DYNC2H1: variants seen among roughly 807,000 people sequenced by gnomAD.
DYNC2H1 encodes the protein cytoplasmic dynein 2 heavy chain 1.
DYNC2H1 carries 410 observed loss-of-function variants against 570.0 expected under a neutral mutation model. That is an observed-to-expected ratio of 0.72 (90% CI 0.66 to 0.78). The LOEUF (loss-of-function observed/expected upper bound fraction) is 0.78, where lower values mean the gene tolerates loss of function less well. DYNC2H1 is among the 30% of genes least tolerant of loss of function. DYNC2H1 has a pLI of 0.00. For synonymous variants in DYNC2H1, 1,688 were observed against 1,677.6 expected, an observed-to-expected ratio of 1.01 and a Z score of -0.15; for missense variants, 4,865 against 5,046.4, an observed-to-expected ratio of 0.96 and a Z score of 1.09.
At chr11:103,357,907 G>A (rs906482882) in intron 82 of DYNC2H1, among the ~76,000 whole-genome samples, 18 of 152,122 alleles carry the variant, frequency 1.2e-4, no homozygotes, top group Non-Finnish European at 2.6e-4. Context: ...CTATCATTGC[G>A]CTATTGCACT....
intron 82 of DYNC2H1, among the ~76,000 whole-genome samples, chr11:103,356,258 A>G (rs1031164157): frequency 6.6e-6 from 1 of 152,156 alleles, no homozygotes; most frequent in African/African-American, 2.4e-5. Flanking sequence ...ATAAAAACAG[A>G]CAGTTCATTG....
At chr11:103,420,319 A>G (rs1943437799) in intron 84 of DYNC2H1, among the ~76,000 whole-genome samples, 1 of 152,276 alleles carries the variant, frequency 6.6e-6, no homozygotes, top group Admixed American at 6.5e-5. Context: ...TAACAAGAAG[A>G]TCAACCCCAA....
intron 63 of DYNC2H1, 146 bp downstream of exon 63, chr11:103,236,685 A>G: frequency 2.1e-6 from 1 of 472,468 alleles, no homozygotes. Context: ...CCCATCAATG[A>G]TTCAGTTAGT....
chr11:103,423,446 A>T (rs1436322568), intron 84 of DYNC2H1, among the ~76,000 whole-genome samples: 1 of 150,656 alleles, frequency 6.6e-6, no homozygotes, highest in Non-Finnish European at 1.5e-5. Flanking sequence ...AAACCCTGCA[A>T]CTGTGTCTCC....
At chr11:103,368,687 T>TG (rs1242824527) in intron 83 of DYNC2H1, among the ~76,000 whole-genome samples, 1 of 152,208 alleles carries the variant, frequency 6.6e-6, no homozygotes, top group Non-Finnish European at 1.5e-5. Flanking sequence ...CTGAAGTTCT[T>TG]CCTGCATATT....
chr11:103,123,030 C>A, intron 11 of DYNC2H1, 30 bp downstream of exon 11: 2 of 1,302,262 alleles, frequency 1.5e-6, no homozygotes, highest in South Asian at 6.1e-5. Flanking sequence ...ACTGTAAAAT[C>A]CAAAACCATA....
At chr11:103,284,034 A>C (rs1484274387) in intron 73 of DYNC2H1, among the ~76,000 whole-genome samples, 7 of 152,114 alleles carry the variant, frequency 4.6e-5, no homozygotes, top group Non-Finnish European at 8.8e-5. Context: ...GAACCCTGCA[A>C]AGTTGGTTTA....
intron 31 of DYNC2H1, 52 bp from the exon 32 acceptor site, chr11:103,168,703 A>T (rs1861436998): frequency 6.4e-7 from 1 of 1,556,184 alleles, no homozygotes; most frequent in Admixed American, 1.7e-5. Flanking sequence ...TAAATTATAT[A>T]AATCACAGGC....
intron 17 of DYNC2H1, among the ~76,000 whole-genome samples, chr11:103,138,795 T>C (rs1375300236): frequency 6.6e-6 from 1 of 152,088 alleles, no homozygotes; most frequent in South Asian, 2.1e-4. Context: ...ATGGTACCAG[T>C]TCCTCCTTGT....
intron 17 of DYNC2H1, among the ~76,000 whole-genome samples, chr11:103,137,719 T>G (rs1859653766): frequency 6.6e-6 from 1 of 152,136 alleles, no homozygotes; most frequent in Admixed American, 6.6e-5. Context: ...GGCTCTTTTT[T>G]GGTTCCATAT....
Position 103,205,483 on chromosome 11 carries a change from T to C in DYNC2H1, c.8454+519T>C, listed in dbSNP as rs1195575996. On this transcript the variant is annotated intron_variant, in intron 52 of 88. Coordinates refer to ENST00000375735, the MANE Select transcript of DYNC2H1 (RefSeq NM_001377.3). The surrounding 1 kb of genome is among the most constrained non-coding windows in gnomAD (Gnocchi z 4.5). The stretch of plus-strand genomic sequence containing the variant: ...TCTTTATTTTTCTATAAGAGAAGTA[T>C]AGTTTAATGCCTGCCATGATTCAGA... Among the ~76,000 whole-genome samples the C allele has an allele frequency of 6.6e-6, 1 of 152,192 alleles. No homozygotes were observed. Among genetic ancestry groups the C allele is most frequent in the Non-Finnish European group, 1.5e-5 (1 of 68,042 alleles).
chr11:103,443,384 G>T (rs1425066889), intron 85 of DYNC2H1, among the ~76,000 whole-genome samples: 1 of 151,832 alleles, frequency 6.6e-6, no homozygotes, highest in Non-Finnish European at 1.5e-5. Context: ...TAATTTATAT[G>T]TTATCACACT....
chr11:103,405,187 G>T (rs1771335592), intron 84 of DYNC2H1: 1 of 151,646 alleles, frequency 6.6e-6, no homozygotes, highest in Non-Finnish European at 1.5e-5. Context: ...CCCCTAGCAG[G>T]GTCAAAAAAA....
intron 26 of DYNC2H1, among the ~76,000 whole-genome samples, chr11:103,158,174 A>G (rs1860917249): frequency 2.0e-5 from 3 of 152,226 alleles, no homozygotes; most frequent in African/African-American, 7.2e-5. Flanking sequence ...AAGGCTGGGC[A>G]TGGTGGCTCA....
rs1174729170 is a variant in DYNC2H1 at position 103,455,410 on chromosome 11, AGTTAT to A, written c.12566+121_12566+125del. ...AGAAATAAATTTATTATTGAAACAC[AGTTAT>A]GTTATTTTCTTATTCTCTACTTTAA... On this transcript the variant is annotated intron_variant, in intron 86 of 88. Transcript: ENST00000375735. 1.0e-4 allele frequency: 81 copies of A among 801,796 alleles called. 1 individual carries two copies. The highest frequency in any genetic ancestry group is 8.8e-4 in the South Asian group (54 of 61,220). 49.7% of individuals were successfully genotyped at this position (801,796 alleles called of 1,614,324 possible).
intron 11 of DYNC2H1, among the ~76,000 whole-genome samples, chr11:103,124,670 TCTCTA>T (rs1432341618): frequency 2.0e-5 from 3 of 152,112 alleles, no homozygotes; most frequent in African/African-American, 7.2e-5. Flanking sequence ...CGTTTTAATA[TCTCTA>T]CTCCTACCAT....
intron 38 of DYNC2H1, among the ~76,000 whole-genome samples, chr11:103,178,429 G>T (rs1000285424): frequency 1.3e-5 from 2 of 152,048 alleles, no homozygotes; most frequent in African/African-American, 4.8e-5. Context: ...ACCACATTAA[G>T]TAAAGGCCAG....
rs192579697 is a variant in DYNC2H1 at position 103,236,345 on chromosome 11, T to G, written c.9710-85T>G. On this transcript the variant is annotated intron_variant, in intron 62 of 88. Transcript: ENST00000375735. ...CAAGTAAGGACTGTCATAGGACTTT[T>G]GTTTCGGAATAAATAGCTTTATTTC... The G allele has an allele frequency of 1.1e-5, 9 of 854,684 alleles. No individual in the cohort carries two copies. In the East Asian group the frequency reaches 2.0e-4, roughly 19 times the overall value. The allele number at this position is 854,684 out of a possible 1,614,324, so 52.9% of individuals were successfully genotyped here.
chr11:103,466,489 G>A (rs1398043406), intron 87 of DYNC2H1, among the ~76,000 whole-genome samples: 1 of 152,100 alleles, frequency 6.6e-6, no homozygotes, highest in Non-Finnish European at 1.5e-5. Flanking sequence ...AAAGATACTA[G>A]TATCTTGTAT....
Sources: allele counts gnomAD v4.1 joint callset (sites outside exome capture counted in the v4.1 genomes callset), GRCh38; gene constraint gnomAD v4.1.1; non-coding constraint Gnocchi (gnomAD v3.1); transcripts MANE v1.5; gene names NCBI Gene and HGNC (gene_info 2026-07-23, HGNC 2026-07-21).